Variants in CADPS2 observed in about 807,000 individuals in gnomAD.
CADPS2 encodes the protein calcium-dependent secretion activator 2.
A neutral mutation model predicts 172.5 loss-of-function variants in CADPS2; 93 were observed. That is an observed-to-expected ratio of 0.54 (90% confidence interval 0.46 to 0.64). CADPS2 has a LOEUF of 0.64. Among genes scored for constraint, CADPS2 ranks in the 30% least tolerant of loss-of-function variants. The probability of loss-of-function intolerance (pLI) is 0.00; values close to 1 mark genes in which losing one functional copy is unlikely to be tolerated. For missense variants in CADPS2, 1,420 were observed against 1,565.9 expected, an observed-to-expected ratio of 0.91 and a Z score of 1.57; for synonymous variants, 546 against 555.2, an observed-to-expected ratio of 0.98 and a Z score of 0.23.
intron 17 of CADPS2, among the ~76,000 whole-genome samples, chr7:122,422,709 C>G (rs1454014919): frequency 6.6e-6 from 1 of 151,746 alleles, no homozygotes; most frequent in Non-Finnish European, 1.5e-5. Context: ...AATCCCAGCA[C>G]TTTGGGAAGC....
intron 1 of CADPS2, among the ~76,000 whole-genome samples, chr7:122,764,496 T>TAGATA (rs1562961882): frequency 6.3e-4 from 96 of 152,276 alleles, no homozygotes; most frequent in African/African-American, 2.2e-3. Flanking sequence ...ATAGTCTATC[T>TAGATA]TTGTGGAGCT....
intron 1 of CADPS2, among the ~76,000 whole-genome samples, chr7:122,841,077 G>A (rs1365970760): frequency 6.6e-6 from 1 of 152,116 alleles, no homozygotes; most frequent in Non-Finnish European, 1.5e-5. Context: ...AATGGAGGAA[G>A]AACATGTTTC....
chr7:122,413,601 A>G (rs2047557193), intron 19 of CADPS2, among the ~76,000 whole-genome samples: 1 of 152,176 alleles, frequency 6.6e-6, no homozygotes, highest in Non-Finnish European at 1.5e-5. Flanking sequence ...AACCTCCACC[A>G]AGGGAGCTGA....
At chr7:122,814,763 G>A (rs549922545) in intron 1 of CADPS2, among the ~76,000 whole-genome samples, 8 of 152,120 alleles carry the variant, frequency 5.3e-5, no homozygotes, top group Admixed American at 2.0e-4. Context: ...AATTGAATCC[G>A]TTGTTTTCAT....
rs569326183 is a variant in CADPS2, at chr7:122,371,797, A to G, written c.3387+7571T>C. 3.9e-5 allele frequency among the ~76,000 whole-genome samples: 6 copies of G among 152,250 alleles called. 1 individual carries two copies. The highest frequency in any genetic ancestry group is 1.4e-4 in the African/African-American group (6 of 41,554). On this transcript the variant is annotated intron_variant, in intron 25 of 29. Coordinates refer to ENST00000449022, the MANE Select transcript of CADPS2 (RefSeq NM_017954.11). ...TGTGATGTGCTTGAGCAGATTCTAT[A>G]AAGACAGGGACACTAGGATGACGAG...
intron 1 of CADPS2, among the ~76,000 whole-genome samples, chr7:122,851,118 G>A (rs1200740615): frequency 6.6e-6 from 1 of 152,204 alleles, no homozygotes; most frequent in African/African-American, 2.4e-5. Context: ...TTGCCAAGAA[G>A]CAAACACTAC....
intron 7 of CADPS2, among the ~76,000 whole-genome samples, chr7:122,567,058 G>A (rs1012497913): frequency 6.6e-6 from 1 of 152,112 alleles, no homozygotes; most frequent in Non-Finnish European, 1.5e-5. Flanking sequence ...GAAGAGATTG[G>A]ATTAAGTGAG....
Position 122,319,756 on chromosome 7 carries a change from G to A in CADPS2, c.*409C>T, listed in dbSNP as rs2031994081. On this transcript the variant is annotated 3_prime_UTR_variant, in exon 30 of 30. Transcript: ENST00000449022. ...AAGGATACGACAGTGTTGGTGCAGTGGTCCGAACTGACTTCTCACAATGCT... is the reference window on the plus strand; with the variant it reads ...AAGGATACGACAGTGTTGGTGCAGTAGTCCGAACTGACTTCTCACAATGCT... The A allele has an allele frequency of 6.3e-6, 1 of 159,236 alleles. No individual in the cohort carries two copies. The highest frequency in any genetic ancestry group is 1.4e-5 in the Non-Finnish European group (1 of 73,024). The allele number at this position is 159,236 out of a possible 1,614,324, so 9.9% of individuals were successfully genotyped here. A position where few individuals can be genotyped will look rare whatever the true frequency, so the allele number is the denominator to read the frequency against.
chr7:122,342,978 A>G (rs2037007657), intron 28 of CADPS2, among the ~76,000 whole-genome samples: 1 of 152,168 alleles, frequency 6.6e-6, no homozygotes, highest in Non-Finnish European at 1.5e-5. Context: ...TGGATTTCCA[A>G]TAATTACATA....
intron 9 of CADPS2, among the ~76,000 whole-genome samples, chr7:122,499,206 C>T (rs2059000028): frequency 6.6e-6 from 1 of 152,116 alleles, no homozygotes; most frequent in Admixed American, 6.5e-5. Flanking sequence ...TTTTTCTAGC[C>T]CATCATTTCA....
intron 2 of CADPS2, among the ~76,000 whole-genome samples, chr7:122,732,646 A>AAT (rs1273780510): frequency 2.1e-5 from 3 of 146,058 alleles, no homozygotes; most frequent in African/African-American, 7.5e-5. Flanking sequence ...GTGTCTTTGT[A>AAT]ATATATATTT....
chr7:122,541,702 T>C (rs2063003403), intron 8 of CADPS2, among the ~76,000 whole-genome samples: 1 of 146,128 alleles, frequency 6.8e-6, no homozygotes, highest in Non-Finnish European at 1.5e-5. Flanking sequence ...TATGTTTATA[T>C]ATTCATATAT....
intron 15 of CADPS2, among the ~76,000 whole-genome samples, chr7:122,444,430 T>C (rs1426719967): frequency 2.0e-5 from 3 of 152,170 alleles, no homozygotes; most frequent in Non-Finnish European, 2.9e-5. Flanking sequence ...ACCAACAGCA[T>C]ATAAGAGTTC....
chr7:122,515,032 A>AG (rs751831226), intron 8 of CADPS2, among the ~76,000 whole-genome samples: 1 of 152,152 alleles, frequency 6.6e-6, no homozygotes, highest in Non-Finnish European at 1.5e-5. Flanking sequence ...TTCAGAATCC[A>AG]GGGGGGAGAA....
intron 12 of CADPS2, among the ~76,000 whole-genome samples, chr7:122,477,041 A>AT (rs2056737703): frequency 1.1e-4 from 4 of 37,252 alleles, no homozygotes; most frequent in African/African-American, 4.3e-4. Context: ...AGGAGAGGAG[A>AT]GGAGAGAGAG....
chr7:122,724,036 A>G (rs148773774), intron 2 of CADPS2, among the ~76,000 whole-genome samples: 8,318 of 101,250 alleles, frequency 0.082, 290 homozygotes, highest in South Asian at 0.19. Context: ...TGTGGGGTGG[A>G]GGGAGGGGGG....
At chr7:122,327,463 CTA>C (rs999432367) in intron 28 of CADPS2, among the ~76,000 whole-genome samples, 24 of 152,116 alleles carry the variant, frequency 1.6e-4, no homozygotes, top group Admixed American at 8.5e-4. Flanking sequence ...AGGAGAGAAA[CTA>C]TATATATTTT....
At chr7:122,783,568 C>T (rs1000017089) in intron 1 of CADPS2, among the ~76,000 whole-genome samples, 1 of 152,150 alleles carries the variant, frequency 6.6e-6, no homozygotes, top group African/African-American at 2.4e-5. Context: ...TTCTGTTTTG[C>T]CAGTCCAGCT....
intron 29 of CADPS2, among the ~76,000 whole-genome samples, chr7:122,321,607 G>T (rs1175081938): frequency 2.0e-5 from 3 of 152,144 alleles, no homozygotes; most frequent in Non-Finnish European, 2.9e-5. Flanking sequence ...TCCCACCTCA[G>T]CCTCCCGAGT....
Sources: gnomAD v4.1 joint callset for allele counts (sites outside exome capture counted in the v4.1 genomes callset) on GRCh38, gnomAD v4.1.1 for gene constraint, MANE v1.5 for transcripts, NCBI Gene and HGNC (gene_info 2026-07-23, HGNC 2026-07-21) for gene names.